Variants in CLUAP1 observed in about 807,000 individuals in gnomAD.
CLUAP1 encodes intraflagellar transport 38.
A neutral mutation model predicts 55.0 loss-of-function variants in CLUAP1; 50 were observed. That is an observed-to-expected ratio of 0.91 (90% CI 0.72 to 1.15). The LOEUF (loss-of-function observed/expected upper bound fraction) is 1.15, where lower values mean the gene tolerates loss of function less well. Among genes scored for constraint, CLUAP1 ranks in the 50% most tolerant of loss-of-function variants. The pLI, the probability that CLUAP1 is intolerant of heterozygous loss-of-function variation, is 0.00. For missense variants in CLUAP1, 530 were observed against 507.6 expected (o/e 1.04, Z -0.42); for synonymous variants, 195 against 175.4 (o/e 1.11, Z -0.88).
chr16:3,539,041 A>G lies in CLUAP1; in HGVS notation c.*2770A>G, dbSNP rs1005996190. On this transcript the variant is annotated 3_prime_UTR_variant, in exon 12 of 12. Coordinates refer to ENST00000576634, the MANE Select transcript of CLUAP1 (RefSeq NM_015041.3). ...TGGAAAATACAAAGGAATTTTTCAA[A>G]TACTCAATTTTTATTGGTAGTAGTT... is the stretch of plus-strand genomic sequence containing the variant. 3.3e-5 allele frequency: 5 copies of G among 152,252 alleles called. No individual in the cohort carries two copies. The highest frequency in any genetic ancestry group is 1.2e-4 in the African/African-American group (5 of 41,458). 9.4% of individuals were successfully genotyped at this position (152,252 alleles called of 1,614,324 possible).
At chr16:3,528,741 A>T (rs1299177975) in intron 9 of CLUAP1, among the ~76,000 whole-genome samples, 1 of 152,162 alleles carries the variant, frequency 6.6e-6, no homozygotes, top group African/African-American at 2.4e-5. Context: ...TAGGTCTCTG[A>T]TCCACTTTGA....
Position 3,504,723 on chromosome 16 carries a change from T to C in CLUAP1, c.26T>C (p.Phe9Ser). The C allele has an allele frequency of 6.3e-7, 1 of 1,580,666 alleles. No homozygotes were observed. The highest frequency in any genetic ancestry group is 8.7e-7 in the Non-Finnish European group (1 of 1,149,524). ...AATTGTATTTTTCCTTGGACAGATT[T>C]CACAGAGATGATGAGAGCCCTGGGA... is the stretch of plus-strand genomic sequence containing the variant. The part of the protein sequence containing the change: MSFRDLRN[F>S]TEMMRALGYP... Residue 9 changes from phenylalanine (F) to serine (S), a missense_variant, in exon 2 of 12, where the codon TTC becomes TCC. Coordinates refer to ENST00000576634, the MANE Select transcript of CLUAP1 (RefSeq NM_015041.3).
chr16:3,510,144 G>A (rs1250486706), intron 4 of CLUAP1, among the ~76,000 whole-genome samples: 4 of 152,078 alleles, frequency 2.6e-5, no homozygotes, highest in East Asian at 1.9e-4. Context: ...ACAGGCATGC[G>A]CCACCACACC....
At position 3,529,582 on chromosome 16, in the gene CLUAP1, ATAT is replaced by A. The variant is rs1481346486; in HGVS notation, c.929-982_929-980del. Reference sequence around the variant, plus strand: ...ATTATTATATATTATATATTATATAATATTATATATTATTATATATTATATATT... The same window carrying A: ...ATTATTATATATTATATATTATATAATATATATTATTATATATTATATATT... On this transcript the variant is annotated intron_variant, in intron 9 of 11. Transcript: ENST00000576634. Among the ~76,000 whole-genome samples the A allele has an allele frequency of 3.9e-3, 158 of 40,170 alleles. 5 individuals are homozygous for A. The highest frequency in any genetic ancestry group is 5.2e-3 in the East Asian group (4 of 770). 26.4% of individuals were successfully genotyped at this position (40,170 alleles called of 152,430 possible).
In CLUAP1 at chr16:3,501,039, G is replaced by A; in HGVS notation, c.-29G>A. 1.3e-6 allele frequency: 2 copies of A among 1,596,656 alleles called. No homozygotes were observed. The highest frequency in any genetic ancestry group is 1.7e-6 in the Non-Finnish European group (2 of 1,174,522). On this transcript the variant is annotated 5_prime_UTR_variant, in exon 1 of 12. Coordinates refer to ENST00000576634, the MANE Select transcript of CLUAP1 (RefSeq NM_015041.3). ...TGATCGCTGAGGGGCGAGCAGTTGC[G>A]ACCCTGGGCTCCTGGGGACCTGAGC...
chr16:3,515,459 G>A (rs1444150503), intron 5 of CLUAP1, 49 bp from the exon 6 acceptor site: 6 of 1,353,526 alleles, frequency 4.4e-6, no homozygotes, highest in Non-Finnish European at 5.2e-6. Flanking sequence ...TACTGGTTTT[G>A]AGAACTCCTT....
intron 8 of CLUAP1, 63 bp downstream of exon 8, chr16:3,523,362 A>T: frequency 6.6e-7 from 1 of 1,513,332 alleles, no homozygotes; most frequent in Non-Finnish European, 8.8e-7. Flanking sequence ...ACTGGGTGAC[A>T]GGTCATTTTG....
At chr16:3,515,104 T>C (rs2037704502) in intron 5 of CLUAP1, among the ~76,000 whole-genome samples, 1 of 152,000 alleles carries the variant, frequency 6.6e-6, no homozygotes, top group Admixed American at 6.6e-5. Flanking sequence ...TAGTGACTCA[T>C]GCCTGTGATC....
chr16:3,515,536 C>T lies in CLUAP1; in HGVS notation c.524C>T (p.Pro175Leu). Residue 175 changes from proline to leucine, a missense_variant, in exon 6 of 12, where the codon CCT (proline) becomes CTT (leucine). Transcript: ENST00000576634. ...ATGAGAACAGAAGCCATTGCCAGAC[C>T]TCTGGAAATAAACGAGACTGAAAAA... The part of the protein sequence containing the change: ...REMRTEAIAR[P>L]LEINETEKVM... 6.3e-7 allele frequency: 1 copy of T among 1,599,246 alleles called. No individual in the cohort carries two copies. The highest frequency in any genetic ancestry group is 8.5e-7 in the Non-Finnish European group (1 of 1,175,576).
chr16:3,536,095 G>A (rs1401362905), intron 11 of CLUAP1, 27 bp from the exon 12 acceptor site: 56 of 1,611,368 alleles, frequency 3.5e-5, no homozygotes, highest in Non-Finnish European at 4.2e-5. Context: ...AGGATCCCCC[G>A]TTGCATCTGC....
In CLUAP1 at chr16:3,536,261, A is replaced by G. The variant is rs140382761; in HGVS notation, c.1232A>G (p.Asn411Ser). 391 of 1,614,106 alleles carry G rather than the reference A, an allele frequency of 2.4e-4. 2 individuals are homozygous for G. Among genetic ancestry groups the G allele is most frequent in the Admixed American group, 1.9e-3 (116 of 60,006 alleles). Residue 411 changes from asparagine to serine, a missense_variant, in exon 12 of 12, where the codon AAT becomes AGT. Physicochemically the swap from Asn to Ser is conservative, Grantham distance 46. Coordinates refer to ENST00000576634, the MANE Select transcript of CLUAP1 (RefSeq NM_015041.3). ...RKSEPLDESDNDF is the reference protein window; with the variant it reads ...RKSEPLDESDSDF Reference sequence around the variant, plus strand: ...TCTGAACCCCTGGATGAGAGTGACAATGACTTCTGACCCTTTTGCCAAGGG... The same window carrying G: ...TCTGAACCCCTGGATGAGAGTGACAGTGACTTCTGACCCTTTTGCCAAGGG...
chr16:3,500,548 T>C (rs2151036382), upstream of CLUAP1, among the ~76,000 whole-genome samples: 1 of 152,210 alleles, frequency 6.6e-6, no homozygotes, highest in East Asian at 1.9e-4. Flanking sequence ...TTTTGTATTT[T>C]TTGGTAGAGA....
chr16:3,529,582 A>ATATATATTATATAT (rs2038035746), intron 9 of CLUAP1, among the ~76,000 whole-genome samples: 1 of 40,168 alleles, frequency 2.5e-5, no homozygotes, highest in African/African-American at 1.3e-4. Flanking sequence ...ATATTATATA[A>ATATATATTATATAT]TATTATATAT....
In CLUAP1 at chr16:3,504,847, T is replaced by C. The variant is rs1368047410; in HGVS notation, c.134+16T>C. The C allele has an allele frequency of 2.2e-6, 3 of 1,337,120 alleles. No individual in the cohort carries two copies. The highest frequency in any genetic ancestry group is 3.2e-6 in the Non-Finnish European group (3 of 927,660). 82.8% of individuals were successfully genotyped at this position (1,337,120 alleles called of 1,614,324 possible). A position where few individuals can be genotyped will look rare whatever the true frequency, so the allele number is the denominator to read the frequency against. ...TTGTGAAAAGGTTCGAACGGCACTT[T>C]ATTGACATCTAAGAGTGAATACTGG... On this transcript the variant is annotated intron_variant, in intron 2 of 11. Transcript: ENST00000576634.
In CLUAP1 at chr16:3,538,283, T is replaced by C. The variant is rs1340293355; in HGVS notation, c.*2012T>C. 2.0e-5 allele frequency: 3 copies of C among 151,994 alleles called. No individual in the cohort carries two copies. The highest frequency in any genetic ancestry group is 1.5e-5 in the Non-Finnish European group (1 of 68,008). 9.4% of individuals were successfully genotyped at this position (151,994 alleles called of 1,614,324 possible). On this transcript the variant is annotated 3_prime_UTR_variant, in exon 12 of 12. Coordinates refer to ENST00000576634, the MANE Select transcript of CLUAP1 (RefSeq NM_015041.3). ...TTCTGTCATTTTTGCTTTTTTCTCT[T>C]TCTTTTCCTAAATTTTATGTATAAG...
At position 3,523,227 on chromosome 16, in the gene CLUAP1, G is replaced by A; in HGVS notation, c.783G>A (p.Glu261=). 1 of 1,613,950 alleles carries A rather than the reference G, an allele frequency of 6.2e-7. No individual in the cohort carries two copies. The highest frequency in any genetic ancestry group is 1.1e-5 in the South Asian group (1 of 91,034). The part of the protein sequence containing the change: ...ELQKQYDTYL[E]KFQNLTYLEQ... ...AAAAGCAGTATGACACTTATCTGGAGAAATTTCAAAATCTGACTTATCTGG... is the reference window on the plus strand; with the variant it reads ...AAAAGCAGTATGACACTTATCTGGAAAAATTTCAAAATCTGACTTATCTGG... The change falls in exon 8 of 12, where the codon GAG becomes GAA. Residue 261 remains glutamate (E), a synonymous_variant. Coordinates refer to ENST00000576634, the MANE Select transcript of CLUAP1 (RefSeq NM_015041.3).
At chr16:3,500,147 C>A (rs11077346), upstream of CLUAP1, among the ~76,000 whole-genome samples, 48,896 of 152,078 alleles carry the variant, frequency 0.32, 8,019 homozygotes, top group South Asian at 0.4. Flanking sequence ...CTCGCGCCCC[C>A]ATGCAGAGGC....
At chr16:3,525,597 G>C (rs1596399603) in intron 8 of CLUAP1, among the ~76,000 whole-genome samples, 1 of 151,788 alleles carries the variant, frequency 6.6e-6, no homozygotes, top group African/African-American at 2.4e-5. Context: ...TCACTCTGTT[G>C]CCTGCCACTC....
chr16:3,497,819 T>C (rs192301289), upstream of CLUAP1, among the ~76,000 whole-genome samples: 1 of 152,226 alleles, frequency 6.6e-6, no homozygotes, highest in African/African-American at 2.4e-5. Context: ...TTTTTTAATT[T>C]TTAATTTTTT....
Sources: allele counts gnomAD v4.1 joint callset (sites outside exome capture counted in the v4.1 genomes callset), GRCh38; gene constraint gnomAD v4.1.1; transcripts MANE v1.5; gene names NCBI Gene and HGNC (gene_info 2026-07-23, HGNC 2026-07-21).